CSGALNACT1: variants seen among roughly 807,000 people sequenced by gnomAD.
The protein encoded by CSGALNACT1 is beta4GalNAcT-1.
Under a neutral mutation model 51.0 loss-of-function variants are expected in CSGALNACT1, and 52 were observed. That is an observed-to-expected ratio of 1.02 (90% CI 0.82 to 1.29). CSGALNACT1 has a LOEUF of 1.29. Ranked by LOEUF, CSGALNACT1 falls within the 50% of genes most tolerant of loss-of-function variation. CSGALNACT1 has a pLI of 0.00. For missense variants in CSGALNACT1, 935 were observed against 679.2 expected, an observed-to-expected ratio of 1.38 and a Z score of -4.19; for synonymous variants, 341 against 254.4, an observed-to-expected ratio of 1.34 and a Z score of -3.24.
intron 3 of CSGALNACT1, among the ~76,000 whole-genome samples, chr8:19,507,795 T>A (rs1352365431): frequency 1.3e-5 from 2 of 152,140 alleles, no homozygotes; most frequent in Non-Finnish European, 2.9e-5. Flanking sequence ...CCCTGGCTAA[T>A]GTTTTTGTAT....
In CSGALNACT1 at chr8:19,725,403, CCTTTTTT is replaced by C. The variant is rs1363780035; in HGVS notation, c.-297+32440_-297+32446del. The stretch of plus-strand genomic sequence containing the variant: ...TACCTGAATTTCATTAAAGACTTCA[CCTTTTTT>C]CTTTTTTCTTTTTTCTTTTTTTTTT... On this transcript the variant is annotated intron_variant, in intron 1 of 1. Coordinates refer to the CSGALNACT1 transcript ENST00000517494. 4.7e-3 allele frequency among the ~76,000 whole-genome samples: 714 copies of C among 151,562 alleles called. 2 individuals are homozygous for C. Among genetic ancestry groups the C allele is most frequent in the African/African-American group, 8.4e-3 (349 of 41,372 alleles).
At chr8:19,706,270 G>T (rs1474902554) in intron 1 of CSGALNACT1, among the ~76,000 whole-genome samples, 1 of 152,136 alleles carries the variant, frequency 6.6e-6, no homozygotes, top group East Asian at 1.9e-4. Flanking sequence ...TTACAAAAAG[G>T]CAGTCATTGT....
intron 5 of CSGALNACT1, among the ~76,000 whole-genome samples, chr8:19,453,776 G>A (rs968170495): frequency 2.0e-5 from 3 of 152,128 alleles, no homozygotes; most frequent in Non-Finnish European, 2.9e-5. Context: ...GCTGGGCGTC[G>A]TGTCATGCAC....
chr8:19,755,206 G>GT (rs1186836258), intron 1 of CSGALNACT1, among the ~76,000 whole-genome samples: 4 of 152,004 alleles, frequency 2.6e-5, no homozygotes, highest in Admixed American at 6.6e-5. Context: ...ATGAAGATTG[G>GT]TAAGTATCAT....
chr8:19,501,286 G>C (rs2076377179), intron 4 of CSGALNACT1, among the ~76,000 whole-genome samples: 1 of 148,450 alleles, frequency 6.7e-6, no homozygotes, highest in Non-Finnish European at 1.5e-5. Flanking sequence ...GGGCAAGCTA[G>C]CAAATGCTAC....
intron 1 of CSGALNACT1, among the ~76,000 whole-genome samples, chr8:19,716,144 CTAACACAG>C: frequency 6.6e-6 from 1 of 152,222 alleles, no homozygotes; most frequent in Admixed American, 6.5e-5. Context: ...GCCCTTTCCT[CTAACACAG>C]TCCTGAATCT....
chr8:19,471,927 A>T (rs1425053302), intron 4 of CSGALNACT1, among the ~76,000 whole-genome samples: 1 of 152,186 alleles, frequency 6.6e-6, no homozygotes, highest in Non-Finnish European at 1.5e-5. Flanking sequence ...CTGGACCCAG[A>T]TATCAGGCTG....
intron 1 of CSGALNACT1, among the ~76,000 whole-genome samples, chr8:19,700,735 G>T (rs2061820811): frequency 1.3e-5 from 2 of 152,086 alleles, no homozygotes; most frequent in South Asian, 4.1e-4. Flanking sequence ...GAAACAAATA[G>T]ACCACCAAAA....
At chr8:19,573,050 G>T (rs1005461258) in intron 3 of CSGALNACT1, among the ~76,000 whole-genome samples, 2 of 152,188 alleles carry the variant, frequency 1.3e-5, no homozygotes, top group African/African-American at 4.8e-5. Context: ...AGGATGAAAT[G>T]AACTGGAAGT....
upstream of CSGALNACT1, among the ~76,000 whole-genome samples, chr8:19,684,396 T>C (rs995787449): frequency 3.9e-5 from 6 of 152,190 alleles, no homozygotes; most frequent in African/African-American, 1.4e-4. Context: ...ACATTCACCA[T>C]ATGAGACTGT....
At chr8:19,431,237 G>C (rs2059608229) in intron 6 of CSGALNACT1, among the ~76,000 whole-genome samples, 1 of 152,076 alleles carries the variant, frequency 6.6e-6, no homozygotes, top group South Asian at 2.1e-4. Context: ...CCTTTGTCTT[G>C]TTCTTGATCT....
intron 3 of CSGALNACT1, among the ~76,000 whole-genome samples, chr8:19,580,180 G>A (rs1195700646): frequency 6.6e-6 from 1 of 152,166 alleles, no homozygotes; most frequent in Non-Finnish European, 1.5e-5. Flanking sequence ...TGAAATCTAG[G>A]ACTTCCAATG....
At chr8:19,688,141 A>T (rs1029692159) in intron 1 of CSGALNACT1, among the ~76,000 whole-genome samples, 2 of 152,154 alleles carry the variant, frequency 1.3e-5, no homozygotes, top group Admixed American at 1.3e-4. Context: ...CTCTGACTAG[A>T]TCAGTATTTG....
chr8:19,634,183 T>C (rs1564309729), intron 1 of CSGALNACT1, among the ~76,000 whole-genome samples: 1 of 152,254 alleles, frequency 6.6e-6, no homozygotes, highest in Non-Finnish European at 1.5e-5. Context: ...ATTACTTTCA[T>C]ACACATAAAA....
intron 1 of CSGALNACT1, among the ~76,000 whole-genome samples, chr8:19,723,669 AG>A (rs1156965093): frequency 1.3e-5 from 2 of 152,228 alleles, no homozygotes; most frequent in African/African-American, 2.4e-5. Flanking sequence ...CTCCCACACT[AG>A]GATGTACTTT....
chr8:19,563,639 T>C (rs1416971386), intron 3 of CSGALNACT1, among the ~76,000 whole-genome samples: 3 of 152,032 alleles, frequency 2.0e-5, no homozygotes, highest in Admixed American at 2.0e-4. Context: ...CTTACTTCAG[T>C]TACTCATTCA....
intron 2 of CSGALNACT1, among the ~76,000 whole-genome samples, chr8:19,597,060 C>T (rs76055233): frequency 0.024 from 3,620 of 152,228 alleles, 155 homozygotes; most frequent in African/African-American, 0.083. Flanking sequence ...AATGTGACCA[C>T]TCTAGGGACC....
At chr8:19,651,589 A>G (rs1207340864) in intron 1 of CSGALNACT1, among the ~76,000 whole-genome samples, 1 of 152,192 alleles carries the variant, frequency 6.6e-6, no homozygotes, top group East Asian at 1.9e-4. Flanking sequence ...TGCAAAGGAT[A>G]GGATTTTGTT....
intron 1 of CSGALNACT1, among the ~76,000 whole-genome samples, chr8:19,633,524 C>T (rs1400443700): frequency 1.3e-5 from 2 of 152,176 alleles, no homozygotes; most frequent in South Asian, 4.1e-4. Flanking sequence ...TTCCATATGG[C>T]TATTGTCCTC....
Sources: allele counts gnomAD v4.1 joint callset (sites outside exome capture counted in the v4.1 genomes callset), GRCh38; gene constraint gnomAD v4.1.1; transcripts MANE v1.5; gene names NCBI Gene and HGNC (gene_info 2026-07-23, HGNC 2026-07-21).